Variants in IL1RL2 observed in about 807,000 individuals in gnomAD.
IL1RL2 encodes interleukin 1 receptor like 2.
Under a neutral mutation model 66.8 loss-of-function variants are expected in IL1RL2, and 68 were observed. The ratio of observed to expected loss-of-function variants is 1.02; its 90% CI spans 0.84 to 1.25. IL1RL2 has a LOEUF of 1.25. Among genes scored for constraint, IL1RL2 ranks in the 50% most tolerant of loss-of-function variants. The probability of loss-of-function intolerance (pLI) is 0.00; values close to 1 mark genes in which losing one functional copy is unlikely to be tolerated. For synonymous variants in IL1RL2, 305 were observed against 264.6 expected (o/e 1.15, Z -1.48); for missense variants, 729 against 709.3 (o/e 1.03, Z -0.32).
chr2:102,217,497 A>G (rs1240651853), intron 6 of IL1RL2, among the ~76,000 whole-genome samples: 3 of 152,138 alleles, frequency 2.0e-5, no homozygotes, highest in African/African-American at 4.8e-5. Context: ...ACCAAAAACA[A>G]AGCTGGAGGT....
intron 9 of IL1RL2, among the ~76,000 whole-genome samples, chr2:102,227,571 A>T (rs1252610766): frequency 6.6e-6 from 1 of 152,062 alleles, no homozygotes; most frequent in Non-Finnish European, 1.5e-5. Flanking sequence ...GGGCATGGGG[A>T]GGGGGTCTCT....
rs201829624 is a variant in IL1RL2, at chr2:102,189,215, C to T, written c.198C>T (p.Ser66=). The T allele has an allele frequency of 3.1e-5, 50 of 1,613,940 alleles. No homozygotes were observed. The highest frequency in any genetic ancestry group is 3.5e-5 in the Non-Finnish European group (41 of 1,179,988). Residue 66 remains serine, a synonymous_variant, in exon 3 of 12, where the codon TCC becomes TCT. Transcript: ENST00000264257. ...AAAATTCTAGCAAAATCCCAGTGTC[C>T]AAAATCATACAGTCTAGAATTCACC... ...WYKNSSKIPV[S]KIIQSRIHQD...
intron 11 of IL1RL2, among the ~76,000 whole-genome samples, chr2:102,237,443 C>A (rs1247701616): frequency 6.6e-6 from 1 of 152,224 alleles, no homozygotes; most frequent in Non-Finnish European, 1.5e-5. Context: ...CCCGCAGCCA[C>A]CCTGCCCACT....
In IL1RL2 at chr2:102,235,037, G is replaced by A. The variant is rs749612473; in HGVS notation, c.1438G>A (p.Gly480Arg). The A allele has an allele frequency of 8.7e-6, 14 of 1,614,034 alleles. No individual in the cohort carries two copies. Among genetic ancestry groups the A allele is most frequent in the Admixed American group, 8.3e-5 (5 of 60,016 alleles). Residue 480 changes from glycine to arginine, a missense_variant, in exon 11 of 12, where the codon GGG becomes AGG. Coordinates refer to ENST00000264257, the MANE Select transcript of IL1RL2 (RefSeq NM_003854.4). Reference sequence around the variant, plus strand: ...GGTCTACAGTGCCCTGATCCAGGACGGGATGAAGGTTATTCTCATTGAGCT... The same window carrying A: ...GGTCTACAGTGCCCTGATCCAGGACAGGATGAAGGTTATTCTCATTGAGCT... Reference protein sequence around the residue: ...IAVYSALIQDGMKVILIELEK... With the variant: ...IAVYSALIQDRMKVILIELEK...
intron 6 of IL1RL2, among the ~76,000 whole-genome samples, chr2:102,215,873 C>T (rs1578153635): frequency 6.6e-6 from 1 of 152,208 alleles, no homozygotes; most frequent in South Asian, 2.1e-4. Flanking sequence ...CAGAAAAAGT[C>T]TTTCTCTAAT....
intron 8 of IL1RL2, among the ~76,000 whole-genome samples, 168 bp downstream of exon 8, chr2:102,220,185 G>A (rs1689980227): frequency 6.6e-6 from 1 of 152,188 alleles, no homozygotes; most frequent in South Asian, 2.1e-4. Flanking sequence ...AGCTCATAAT[G>A]TTGTTGGAGT....
rs950901393 is a variant in IL1RL2, at chr2:102,187,172, C to T, written c.-13+86C>T. 6 of 1,247,502 alleles carry T rather than the reference C, an allele frequency of 4.8e-6. No homozygotes were observed. In the African/African-American group the frequency reaches 7.7e-5, roughly 16 times the overall value. 77.3% of individuals were successfully genotyped at this position (1,247,502 alleles called of 1,614,324 possible). A position where few individuals can be genotyped will look rare whatever the true frequency, so the allele number is the denominator to read the frequency against. ...AGGTGTGCAGGAAAAGACGTGGCAA[C>T]AATGTGTGCCACCGCAGGCCAGGGA... On this transcript the variant is annotated intron_variant, in intron 1 of 11. Coordinates refer to ENST00000264257, the MANE Select transcript of IL1RL2 (RefSeq NM_003854.4).
intron 4 of IL1RL2, among the ~76,000 whole-genome samples, chr2:102,199,764 T>C (rs1484720288): frequency 6.6e-6 from 1 of 152,170 alleles, no homozygotes; most frequent in African/African-American, 2.4e-5. Flanking sequence ...TGCTCAGCCA[T>C]GGAAGCACAG....
chr2:102,243,024 G>A (rs1675265870), downstream of IL1RL2, among the ~76,000 whole-genome samples: 4 of 152,262 alleles, frequency 2.6e-5, no homozygotes, highest in South Asian at 8.3e-4. Flanking sequence ...ATGTCAGAAA[G>A]CAAAACCTAT....
In IL1RL2 at chr2:102,212,205, A is replaced by G. The variant is rs757289412; in HGVS notation, c.724+31A>G. The G allele has an allele frequency of 2.7e-6, 4 of 1,458,306 alleles. No homozygotes were observed. The African/African-American group carries it at 5.6e-5, about 20-fold the overall frequency. 90.3% of individuals were successfully genotyped at this position (1,458,306 alleles called of 1,614,324 possible). On this transcript the variant is annotated intron_variant, in intron 6 of 11. Transcript: ENST00000264257. ...TAAAATTATTGAAGCCATTGAAATC[A>G]CCAGGGGAAGAGCTCATTATGTTTG...
At chr2:102,214,721 G>A (rs547856983) in intron 6 of IL1RL2, among the ~76,000 whole-genome samples, 3 of 79,780 alleles carry the variant, frequency 3.8e-5, no homozygotes, top group Admixed American at 3.5e-4. Flanking sequence ...GCTGGAAACA[G>A]TTAGCCAAGA....
chr2:102,232,668 T>C (rs1691238754), intron 9 of IL1RL2, among the ~76,000 whole-genome samples: 1 of 152,178 alleles, frequency 6.6e-6, no homozygotes, highest in Admixed American at 6.5e-5. Context: ...AGTGGTGGAC[T>C]TAGACTCAAA....
intron 4 of IL1RL2, among the ~76,000 whole-genome samples, chr2:102,196,975 T>C (rs1192363296): frequency 6.6e-6 from 1 of 152,174 alleles, no homozygotes; most frequent in Non-Finnish European, 1.5e-5. Flanking sequence ...TTGAGAATGG[T>C]GGCATGCTGA....
intron 9 of IL1RL2, 46 bp downstream of exon 9, chr2:102,226,087 C>T (rs759076150): frequency 4.1e-6 from 6 of 1,446,846 alleles, no homozygotes; most frequent in Non-Finnish European, 5.6e-6. Flanking sequence ...TTGGTATCCT[C>T]TTATACATAT....
At chr2:102,221,246 C>A (rs1690100751) in intron 8 of IL1RL2, among the ~76,000 whole-genome samples, 1 of 152,190 alleles carries the variant, frequency 6.6e-6, no homozygotes, top group South Asian at 2.1e-4. Flanking sequence ...TCTCTGGTAC[C>A]TCTAAGAGGT....
chr2:102,235,868 C>T, intron 11 of IL1RL2: 2 of 985,438 alleles, frequency 2.0e-6, no homozygotes, highest in Non-Finnish European at 2.4e-6. Flanking sequence ...TAAAAGTCAC[C>T]TAGACCAGTG....
Position 102,239,487 on chromosome 2 carries a change from T to G in IL1RL2, c.*246T>G, listed in dbSNP as rs909560775. The G allele has an allele frequency of 6.9e-6, 3 of 435,704 alleles. No individual in the cohort carries two copies. Among genetic ancestry groups the G allele is most frequent in the African/African-American group, 6.6e-5 (3 of 45,438 alleles). The allele number at this position is 435,704 out of a possible 1,614,324, so 27.0% of individuals were successfully genotyped here. On this transcript the variant is annotated 3_prime_UTR_variant, in exon 12 of 12. Transcript: ENST00000264257. ...GAGCTGGGGGTTATCCCCATGGTCA[T>G]GGAGGGTGAGGGCTGGTCGGGGGAG...
At chr2:102,238,843 C>A (rs1012239397) in intron 11 of IL1RL2, among the ~76,000 whole-genome samples, 5 of 152,136 alleles carry the variant, frequency 3.3e-5, no homozygotes, top group Admixed American at 2.6e-4. Context: ...CCAGGAACTT[C>A]TGAGAAATGC....
chr2:102,217,839 C>T (rs1480323524), intron 6 of IL1RL2, among the ~76,000 whole-genome samples: 1 of 151,982 alleles, frequency 6.6e-6, no homozygotes, highest in Admixed American at 6.6e-5. Flanking sequence ...TAGAAGAAAA[C>T]ATAGAGGAAT....
Sources: allele counts gnomAD v4.1 joint callset (sites outside exome capture counted in the v4.1 genomes callset), GRCh38; gene constraint gnomAD v4.1.1; transcripts MANE v1.5; gene names NCBI Gene and HGNC (gene_info 2026-07-23, HGNC 2026-07-21).